The following TCF12 variants were observed in gnomAD, a reference collection of about 807,000 sequenced individuals.
TCF12 encodes the protein transcription factor 12.
TCF12 carries 45 observed loss-of-function variants against 86.0 expected under a neutral mutation model. The observed-to-expected ratio is 0.52, with a 90% CI of 0.41 to 0.67. TCF12 has a LOEUF of 0.67. TCF12 is among the 30% of genes least tolerant of loss of function. The pLI, the probability that TCF12 is intolerant of heterozygous loss-of-function variation, is 0.00. For missense variants in TCF12, 881 were observed against 859.9 expected (o/e 1.02, Z -0.31); for synonymous variants, 330 against 299.6 (o/e 1.10, Z -1.05).
intron 3 of TCF12, among the ~76,000 whole-genome samples, chr15:57,038,780 C>A (rs1418904341): frequency 6.6e-6 from 1 of 152,134 alleles, no homozygotes; most frequent in Non-Finnish European, 1.5e-5. Context: ...TTGGGGAGAT[C>A]TGCATTTTTC....
At chr15:57,259,235 A>G (rs1567002636) in intron 16 of TCF12, among the ~76,000 whole-genome samples, 1 of 152,230 alleles carries the variant, frequency 6.6e-6, no homozygotes, top group African/African-American at 2.4e-5. Context: ...AAGGAACTGT[A>G]ACAAATGTAA....
intron 8 of TCF12, among the ~76,000 whole-genome samples, chr15:57,213,201 C>G (rs563437216): frequency 2.6e-5 from 4 of 152,290 alleles, no homozygotes; most frequent in East Asian, 3.9e-4. Context: ...GTTGATGTCA[C>G]TCTTCTTAGA....
intron 4 of TCF12, among the ~76,000 whole-genome samples, chr15:57,089,538 AC>A (rs1384493130): frequency 1.3e-5 from 2 of 152,080 alleles, no homozygotes; most frequent in Admixed American, 1.3e-4. Context: ...CACCATAAAT[AC>A]ATTTCAAACT....
In TCF12 at chr15:56,930,448, C is replaced by T. The variant is rs534002177; in HGVS notation, c.148+9350C>T. Among the ~76,000 whole-genome samples the T allele has an allele frequency of 2.6e-5, 4 of 152,352 alleles. No homozygotes were observed. The South Asian group carries it at 8.3e-4, about 32-fold the overall frequency. The stretch of plus-strand genomic sequence containing the variant: ...TTCCTATTTGGAAACCCCACTATAT[C>T]TAGCCAACTTTGTCATGTGGTCCGG... On this transcript the variant is annotated intron_variant, in intron 3 of 20. Transcript: ENST00000333725.
At chr15:57,163,541 A>G (rs1275164088) in intron 5 of TCF12, among the ~76,000 whole-genome samples, 1 of 151,824 alleles carries the variant, frequency 6.6e-6, no homozygotes, top group Non-Finnish European at 1.5e-5. Context: ...CTCTACTGAA[A>G]CTGAAATTTT....
chr15:56,990,283 G>A (rs114935547), intron 3 of TCF12, among the ~76,000 whole-genome samples: 4 of 149,830 alleles, frequency 2.7e-5, no homozygotes, highest in African/African-American at 2.5e-5. Flanking sequence ...GAAAGAAAAT[G>A]TGTTTTAGGC....
intron 3 of TCF12, among the ~76,000 whole-genome samples, chr15:56,971,189 C>T (rs537809432): frequency 3.3e-5 from 5 of 151,910 alleles, no homozygotes; most frequent in South Asian, 2.1e-4. Flanking sequence ...TTTGGGAGGC[C>T]GAGGTGGGTA....
At chr15:57,105,862 C>T (rs1596552512) in intron 5 of TCF12, among the ~76,000 whole-genome samples, 1 of 152,268 alleles carries the variant, frequency 6.6e-6, no homozygotes, top group East Asian at 1.9e-4. Context: ...ACCTCATAAA[C>T]TGTAAAGTGT....
intron 3 of TCF12, among the ~76,000 whole-genome samples, chr15:57,010,328 GC>G (rs1455964701): frequency 1.3e-5 from 2 of 152,032 alleles, no homozygotes; most frequent in African/African-American, 4.8e-5. Flanking sequence ...CAAGAGGATT[GC>G]TTGAGGCCAG....
intron 3 of TCF12, among the ~76,000 whole-genome samples, chr15:56,942,612 A>T (rs2060827028): frequency 6.7e-6 from 1 of 150,184 alleles, no homozygotes; most frequent in Admixed American, 6.7e-5. Context: ...TTAGTGCCTG[A>T]TGTAAGATGA....
intron 5 of TCF12, among the ~76,000 whole-genome samples, chr15:57,115,476 A>G (rs376746200): frequency 2.6e-5 from 4 of 152,336 alleles, no homozygotes; most frequent in African/African-American, 9.6e-5. Flanking sequence ...CATGGAAGCT[A>G]TTTTGAAAAT....
At chr15:57,281,101 A>ATT (rs2061663743) in intron 19 of TCF12, among the ~76,000 whole-genome samples, 2 of 98,236 alleles carry the variant, frequency 2.0e-5, no homozygotes, top group Non-Finnish European at 2.2e-5. Flanking sequence ...GTAGCACCCT[A>ATT]TTCTTTTTTT....
intron 4 of TCF12, among the ~76,000 whole-genome samples, chr15:57,075,835 T>TC (rs778545170): frequency 0.036 from 1,787 of 49,708 alleles, 96 homozygotes; most frequent in African/African-American, 0.1. Context: ...TCTCTCTCTC[T>TC]TTTCTTTCTT....
At chr15:57,154,782 C>A (rs1386192179) in intron 5 of TCF12, among the ~76,000 whole-genome samples, 30 of 152,212 alleles carry the variant, frequency 2.0e-4, no homozygotes, top group African/African-American at 6.3e-4. Flanking sequence ...CCTTTAAATT[C>A]TTTGCCTAGA....
At chr15:57,155,205 T>C (rs1427792811) in intron 5 of TCF12, among the ~76,000 whole-genome samples, 1 of 152,186 alleles carries the variant, frequency 6.6e-6, no homozygotes, top group Non-Finnish European at 1.5e-5. Flanking sequence ...CCTTCCTTCA[T>C]TTTTTCCTTC....
chr15:56,979,661 T>C (rs895767709), intron 3 of TCF12, among the ~76,000 whole-genome samples: 16 of 152,202 alleles, frequency 1.1e-4, no homozygotes, highest in Admixed American at 6.5e-4. Context: ...GAAAAATGTT[T>C]ATAGATTTTT....
At chr15:57,085,346 G>C (rs2048553291) in intron 4 of TCF12, among the ~76,000 whole-genome samples, 1 of 152,188 alleles carries the variant, frequency 6.6e-6, no homozygotes, top group African/African-American at 2.4e-5. Context: ...AAGGATATCA[G>C]AATCTTAAAA....
chr15:57,253,138 T>G, intron 15 of TCF12, 124 bp from the exon 16 acceptor site: 7 of 1,000,082 alleles, frequency 7.0e-6, no homozygotes, highest in Non-Finnish European at 8.9e-6. Context: ...TGGTTGCTTT[T>G]GAAGCTACTT....
intron 5 of TCF12, among the ~76,000 whole-genome samples, chr15:57,114,357 C>T (rs752813205): frequency 8.5e-5 from 13 of 152,158 alleles, no homozygotes; most frequent in Non-Finnish European, 1.3e-4. Context: ...GTGGCATGAT[C>T]GTGGCTTACT....
Sources: allele counts gnomAD v4.1 joint callset (sites outside exome capture counted in the v4.1 genomes callset), GRCh38; gene constraint gnomAD v4.1.1; transcripts MANE v1.5; gene names NCBI Gene and HGNC (gene_info 2026-07-23, HGNC 2026-07-21).